The following RAVER2 variants were observed in gnomAD, a reference collection of about 807,000 sequenced individuals.
RAVER2 encodes ribonucleoprotein, PTB binding 2, also known as ribonucleoprotein PTB-binding 2.
Under a neutral mutation model 78.1 loss-of-function variants are expected in RAVER2, and 46 were observed. That is an observed-to-expected ratio of 0.59 (90% confidence interval 0.46 to 0.75). The LOEUF is 0.75. Ranked by LOEUF, RAVER2 falls within the 30% of genes least tolerant of loss-of-function variation. The pLI, the probability that RAVER2 is intolerant of heterozygous loss-of-function variation, is 0.00. For synonymous variants in RAVER2, 311 were observed against 313.3 expected (o/e 0.99, Z 0.08); for missense variants, 793 against 837.5 (o/e 0.95, Z 0.66).
At chr1:64,814,103 G>T (rs910680814) in intron 10 of RAVER2, among the ~76,000 whole-genome samples, 2 of 150,778 alleles carry the variant, frequency 1.3e-5, no homozygotes, top group Non-Finnish European at 3.0e-5. Flanking sequence ...TTGTGTGTGT[G>T]TGTGTTTGTG....
intron 1 of RAVER2, among the ~76,000 whole-genome samples, chr1:64,756,295 T>A (rs1419778952): frequency 6.6e-6 from 1 of 152,130 alleles, no homozygotes; most frequent in East Asian, 1.9e-4. Context: ...TTTCTGCTTG[T>A]AATCTATAAG....
chr1:64,753,108 C>T (rs900877731), intron 1 of RAVER2, among the ~76,000 whole-genome samples: 1 of 152,226 alleles, frequency 6.6e-6, no homozygotes, highest in African/African-American at 2.4e-5. Context: ...GGTTGGAGTA[C>T]AGTGGCACAA....
chr1:64,757,684 G>C (rs904770653), intron 1 of RAVER2, among the ~76,000 whole-genome samples: 1 of 152,168 alleles, frequency 6.6e-6, no homozygotes, highest in Non-Finnish European at 1.5e-5. Context: ...TAGAAACCAA[G>C]ATCTGGAAAC....
At chr1:64,802,387 TAA>T (rs1049546799) in intron 5 of RAVER2, among the ~76,000 whole-genome samples, 1 of 152,216 alleles carries the variant, frequency 6.6e-6, no homozygotes, top group Non-Finnish European at 1.5e-5. Flanking sequence ...CTCCCTTTTG[TAA>T]GTTTTCCATT....
intron 2 of RAVER2, among the ~76,000 whole-genome samples, chr1:64,770,077 T>A (rs1652274151): frequency 6.6e-6 from 1 of 152,182 alleles, no homozygotes; most frequent in Middle Eastern, 3.4e-3. Flanking sequence ...TATTTGTTAC[T>A]GACTGGCATT....
At chr1:64,831,552 G>A (rs1654130530) in exon 12 of RAVER2, 1 of 152,184 alleles carries the variant, frequency 6.6e-6, no homozygotes, top group African/African-American at 2.4e-5. Context: ...GAGAGTGACA[G>A]TGATATCCAA....
intron 2 of RAVER2, among the ~76,000 whole-genome samples, chr1:64,773,994 T>C (rs1236051651): frequency 6.6e-6 from 1 of 152,256 alleles, no homozygotes; most frequent in Non-Finnish European, 1.5e-5. Flanking sequence ...GAGAAGTGTC[T>C]GTTCATACCC....
intron 11 of RAVER2, among the ~76,000 whole-genome samples, chr1:64,823,971 T>C (rs921381542): frequency 7.2e-5 from 11 of 152,134 alleles, no homozygotes; most frequent in Non-Finnish European, 1.5e-4. Context: ...CATGCCCAGC[T>C]AATTTTTGTA....
intron 1 of RAVER2, among the ~76,000 whole-genome samples, chr1:64,764,246 A>G (rs988428683): frequency 9.9e-5 from 15 of 152,156 alleles, no homozygotes; most frequent in African/African-American, 2.9e-4. Flanking sequence ...ATCCATGTAT[A>G]TCTTGGAAGT....
intron 1 of RAVER2, among the ~76,000 whole-genome samples, chr1:64,757,093 A>T (rs1260379795): frequency 6.6e-6 from 1 of 152,230 alleles, no homozygotes; most frequent in Non-Finnish European, 1.5e-5. Flanking sequence ...ATTCTTTGGA[A>T]ATAATACATT....
chr1:64,764,976 CTG>C (rs1425834178), intron 1 of RAVER2, among the ~76,000 whole-genome samples: 1 of 152,210 alleles, frequency 6.6e-6, no homozygotes, highest in African/African-American at 2.4e-5. Context: ...TAACTGGACA[CTG>C]TAGCTAAATT....
exon 8 of RAVER2, chr1:64,805,039 C>G: frequency 2.5e-6 from 4 of 1,613,862 alleles, no homozygotes; most frequent in Non-Finnish European, 3.4e-6. Context: ...TCAGACTGCA[C>G]TAGGGATAGG....
At chr1:64,829,936 T>C (rs977353431) in intron 11 of RAVER2, among the ~76,000 whole-genome samples, 15 of 152,110 alleles carry the variant, frequency 9.9e-5, no homozygotes, top group African/African-American at 3.6e-4. Flanking sequence ...AGCAAGGAGT[T>C]GAGAGAGACC....
At chr1:64,754,536 A>G (rs1651797193) in intron 1 of RAVER2, among the ~76,000 whole-genome samples, 1 of 152,204 alleles carries the variant, frequency 6.6e-6, no homozygotes, top group African/African-American at 2.4e-5. Context: ...CCACTCTGTT[A>G]GCTTTTTTGG....
intron 10 of RAVER2, among the ~76,000 whole-genome samples, chr1:64,813,827 A>G (rs368841552): frequency 0.016 from 1,369 of 83,142 alleles, 8 homozygotes; most frequent in Non-Finnish European, 0.024. Context: ...TTTAGAGACT[A>G]GACACACACA....
intron 11 of RAVER2, among the ~76,000 whole-genome samples, chr1:64,827,124 C>T (rs987448131): frequency 1.3e-5 from 2 of 152,056 alleles, no homozygotes; most frequent in African/African-American, 4.8e-5. Flanking sequence ...TTGTGAATTG[C>T]ATGAAATTGG....
intron 11 of RAVER2, among the ~76,000 whole-genome samples, chr1:64,824,666 A>G (rs1393155201): frequency 1.3e-5 from 2 of 152,150 alleles, no homozygotes; most frequent in African/African-American, 2.4e-5. Flanking sequence ...GGGGTGGCTC[A>G]TGCTTATAAT....
intron 1 of RAVER2, among the ~76,000 whole-genome samples, chr1:64,748,028 A>T (rs1651591343): frequency 6.6e-6 from 1 of 152,174 alleles, no homozygotes; most frequent in South Asian, 2.1e-4. Context: ...GGTATAGCAG[A>T]TTTATAATAG....
chr1:64,752,326 C>T (rs965186566), intron 1 of RAVER2, among the ~76,000 whole-genome samples: 5 of 152,180 alleles, frequency 3.3e-5, no homozygotes, highest in African/African-American at 1.2e-4. Flanking sequence ...CTTTAAAAGT[C>T]GGTTTCTATC....
Sources: allele counts gnomAD v4.1 joint callset (sites outside exome capture counted in the v4.1 genomes callset), GRCh38; gene constraint gnomAD v4.1.1; transcripts MANE v1.5; gene names NCBI Gene and HGNC (gene_info 2026-07-23, HGNC 2026-07-21).